Variants in PTK2B observed in about 807,000 individuals in gnomAD.
PTK2B encodes protein-tyrosine kinase 2-beta.
In PTK2B, 71 loss-of-function variants were observed where a neutral mutation model predicts 142.9. The observed-to-expected ratio is 0.50, with a 90% confidence interval of 0.41 to 0.61. The LOEUF (loss-of-function observed/expected upper bound fraction) is 0.61, where lower values mean the gene tolerates loss of function less well. Among genes scored for constraint, PTK2B ranks in the 20% least tolerant of loss-of-function variants. PTK2B has a pLI of 0.00. For synonymous variants in PTK2B, 519 were observed against 503.4 expected (o/e 1.03, Z -0.42); for missense variants, 1,105 against 1,320.4 (o/e 0.84, Z 2.53).
Position 27,435,808 on chromosome 8 carries a change from C to A in PTK2B, c.1243+15C>A. Reference sequence around the variant, plus strand: ...AAGGCCCGGAGGTAGGTTCTCGACCCCGCCACAGCGACCGTAGTCAAGGCC... The same window carrying A: ...AAGGCCCGGAGGTAGGTTCTCGACCACGCCACAGCGACCGTAGTCAAGGCC... On this transcript the variant is annotated intron_variant, in intron 14 of 30. Transcript: ENST00000346049. 1 of 1,613,068 alleles carries A rather than the reference C, an allele frequency of 6.2e-7. No individual in the cohort carries two copies. Among genetic ancestry groups the A allele is most frequent in the South Asian group, 1.1e-5 (1 of 91,066 alleles).
chr8:27,391,898 G>A (rs923592229), intron 1 of PTK2B, among the ~76,000 whole-genome samples: 1 of 152,288 alleles, frequency 6.6e-6, no homozygotes, highest in South Asian at 2.1e-4. Context: ...GAGGCAAACC[G>A]AAGCCCAGGA....
chr8:27,319,005 C>T (rs1255460526), intron 3 of PTK2B, among the ~76,000 whole-genome samples: 2 of 152,136 alleles, frequency 1.3e-5, no homozygotes, highest in Non-Finnish European at 2.9e-5. Flanking sequence ...GTTTTCCATC[C>T]TTCCAAAAAT....
Position 27,432,354 on chromosome 8 carries a change from C to T in PTK2B, c.980C>T (p.Ala327Val). Reference sequence around the variant, plus strand: ...GTACTTCAGCTGGGCATTGAAGGTGCCCCCCAGGTGAGTGTCTCTGGGCAC... The same window carrying T: ...GTACTTCAGCTGGGCATTGAAGGTGTCCCCCAGGTGAGTGTCTCTGGGCAC... ...QAVLQLGIEG[A>V]PQALSIKTSS... is the part of the protein sequence containing the mutation. Residue 327 changes from alanine to valine, a missense_variant, in exon 10 of 31, where the codon GCC (alanine) becomes GTC (valine). Physicochemically the swap from Ala to Val is moderately conservative, Grantham distance 64. Transcript: ENST00000346049. 6.2e-7 allele frequency: 1 copy of T among 1,613,352 alleles called. No individual in the cohort carries two copies. Among genetic ancestry groups the T allele is most frequent in the Non-Finnish European group, 8.5e-7 (1 of 1,179,844 alleles).
intron 24 of PTK2B, among the ~76,000 whole-genome samples, chr8:27,447,711 T>G (rs1474058491): frequency 6.6e-6 from 1 of 151,990 alleles, no homozygotes; most frequent in African/African-American, 2.4e-5. Context: ...ATACAAAAAA[T>G]TAGTCAGGCA....
chr8:27,453,706 C>T (rs1389184640), intron 28 of PTK2B, among the ~76,000 whole-genome samples: 2 of 152,110 alleles, frequency 1.3e-5, no homozygotes, highest in African/African-American at 4.8e-5. Flanking sequence ...ATAGCAAGAA[C>T]CCATCTTTAC....
chr8:27,406,850 G>T (rs1192176969), intron 2 of PTK2B, among the ~76,000 whole-genome samples: 1 of 152,186 alleles, frequency 6.6e-6, no homozygotes, highest in Non-Finnish European at 1.5e-5. Flanking sequence ...CTGTCATGTT[G>T]AAGCGACACC....
At chr8:27,423,199 G>C (rs182683610) in intron 5 of PTK2B, among the ~76,000 whole-genome samples, 2 of 152,270 alleles carry the variant, frequency 1.3e-5, no homozygotes, top group Non-Finnish European at 2.9e-5. Context: ...AAAAAAATAG[G>C]CCTTATTCTT....
rs77398840 is a variant in PTK2B, at chr8:27,403,120, G to A, written c.204+5332G>A. Among the ~76,000 whole-genome samples the A allele has an allele frequency of 9.4e-3, 1,432 of 152,156 alleles. 21 individuals carry two copies. Among genetic ancestry groups the A allele is most frequent in the East Asian group, 0.036 (184 of 5,164 alleles). On this transcript the variant is annotated intron_variant, in intron 2 of 30. Coordinates refer to ENST00000346049, the MANE Select transcript of PTK2B (RefSeq NM_173176.3). Reference sequence around the variant, plus strand: ...TTTTGCAGTCTCCTTTCCTAGCTTGGCTTTATCCTTTGATGGAGTTTTCTA... The same window carrying A: ...TTTTGCAGTCTCCTTTCCTAGCTTGACTTTATCCTTTGATGGAGTTTTCTA...
intron 28 of PTK2B, chr8:27,453,945 C>T (rs1190921409): frequency 3.3e-6 from 2 of 600,948 alleles, no homozygotes; most frequent in African/African-American, 1.9e-5. Context: ...GAGGCTACCA[C>T]TAGTATTCCG....
chr8:27,358,642 G>A (rs1805523098), intron 1 of PTK2B, among the ~76,000 whole-genome samples: 1 of 151,990 alleles, frequency 6.6e-6, no homozygotes, highest in African/African-American at 2.4e-5. Flanking sequence ...GGCAATTTAA[G>A]CTTCTTTATT....
At chr8:27,402,294 G>T (rs1333020561) in intron 2 of PTK2B, among the ~76,000 whole-genome samples, 1 of 152,158 alleles carries the variant, frequency 6.6e-6, no homozygotes, top group East Asian at 1.9e-4. Context: ...GGGTCCCATT[G>T]CCTAAGATGA....
chr8:27,448,375 G>GT (rs1195262675), intron 24 of PTK2B, among the ~76,000 whole-genome samples: 1 of 152,216 alleles, frequency 6.6e-6, no homozygotes, highest in African/African-American at 2.4e-5. Context: ...AATGAGCAAT[G>GT]TAAGTATCCA....
At chr8:27,368,918 C>T (rs544587602) in intron 1 of PTK2B, among the ~76,000 whole-genome samples, 5 of 152,152 alleles carry the variant, frequency 3.3e-5, no homozygotes, top group Non-Finnish European at 5.9e-5. Flanking sequence ...GTGGGCAGGG[C>T]GGAAGTGGAA....
intron 3 of PTK2B, among the ~76,000 whole-genome samples, chr8:27,316,951 G>T (rs1484597601): frequency 6.6e-6 from 1 of 152,070 alleles, no homozygotes; most frequent in Non-Finnish European, 1.5e-5. Flanking sequence ...GCCATAAGGG[G>T]GTGTATTATC....
At chr8:27,346,380 A>C (rs773395647) in intron 1 of PTK2B, among the ~76,000 whole-genome samples, 1 of 152,156 alleles carries the variant, frequency 6.6e-6, no homozygotes, top group Non-Finnish European at 1.5e-5. Flanking sequence ...ACACAAAAAA[A>C]ATACAAAATA....
intron 1 of PTK2B, among the ~76,000 whole-genome samples, chr8:27,385,921 C>A (rs1005128823): frequency 6.7e-6 from 1 of 150,274 alleles, no homozygotes; most frequent in Non-Finnish European, 1.5e-5. Flanking sequence ...AGACAGTATC[C>A]GAGGAGGAGA....
chr8:27,403,467 C>T (rs1048775576), intron 2 of PTK2B, among the ~76,000 whole-genome samples: 1 of 152,108 alleles, frequency 6.6e-6, no homozygotes, highest in African/African-American at 2.4e-5. Flanking sequence ...AAGCGCTGGC[C>T]CCTGTGCCTA....
chr8:27,352,473 G>T (rs1450633520), intron 1 of PTK2B, among the ~76,000 whole-genome samples: 1 of 152,106 alleles, frequency 6.6e-6, no homozygotes, highest in Admixed American at 6.5e-5. Context: ...CAGGGGTGGA[G>T]GGGGGGCGGT....
intron 1 of PTK2B, among the ~76,000 whole-genome samples, chr8:27,373,236 C>A (rs973776017): frequency 6.6e-6 from 1 of 152,218 alleles, no homozygotes; most frequent in Admixed American, 6.5e-5. Flanking sequence ...TCTGTGGGAG[C>A]ACAGCAGGGA....
Sources: gnomAD v4.1 joint callset for allele counts (sites outside exome capture counted in the v4.1 genomes callset) on GRCh38, gnomAD v4.1.1 for gene constraint, MANE v1.5 for transcripts, NCBI Gene and HGNC (gene_info 2026-07-23, HGNC 2026-07-21) for gene names.